Variants in PCDHGA10 observed in about 807,000 individuals in gnomAD.
The protein encoded by PCDHGA10 is protocadherin gamma-A10.
In PCDHGA10, 42 loss-of-function variants were observed where a neutral mutation model predicts 59.5. That is an observed-to-expected ratio of 0.71 (90% CI 0.55 to 0.91). PCDHGA10 has a LOEUF of 0.91. PCDHGA10 is among the 40% of genes least tolerant of loss of function. PCDHGA10 has a pLI of 0.00. For synonymous variants in PCDHGA10, 511 were observed against 517.2 expected (o/e 0.99, Z 0.16); for missense variants, 1,111 against 1,198.2 (o/e 0.93, Z 1.07).
Position 141,490,522 on chromosome 5 carries a change from G to A in PCDHGA10, c.2437-4285G>A, listed in dbSNP as rs191201177. ...CTATATCATCGAGCTGCTGGCCAGC[G>A]ATGCTGGTTCACCTTCCCTACACAA... On this transcript the variant is annotated intron_variant, in intron 1 of 3. Transcript: ENST00000398610. This position sits in a 1 kb window ranked among gnomAD's most constrained non-coding sequence, Gnocchi z 5.4. 5.0e-6 allele frequency: 8 copies of A among 1,614,054 alleles called. No homozygotes were observed. Among genetic ancestry groups the A allele is most frequent in the Admixed American group, 3.3e-5 (2 of 60,010 alleles).
chr5:141,464,263 TAAA>T (rs35224477), intron 1 of PCDHGA10, among the ~76,000 whole-genome samples: 2 of 103,604 alleles, frequency 1.9e-5, no homozygotes, highest in Non-Finnish European at 1.9e-5. Flanking sequence ...AGACTCCGTC[TAAA>T]AAAAAAAAAA....
chr5:141,421,567 A>G (rs1202908091), intron 1 of PCDHGA10: 27 of 1,613,972 alleles, frequency 1.7e-5, no homozygotes, highest in Non-Finnish European at 2.2e-5. Context: ...CGTGGAAGAC[A>G]CCTTGAAGAT....
intron 1 of PCDHGA10, among the ~76,000 whole-genome samples, chr5:141,445,652 A>C (rs1307606419): frequency 6.6e-6 from 1 of 152,212 alleles, no homozygotes; most frequent in African/African-American, 2.4e-5. Context: ...TGAATAGATT[A>C]ATAGGATGAG....
At chr5:141,450,565 C>T (rs1024229182) in intron 1 of PCDHGA10, among the ~76,000 whole-genome samples, 2 of 152,016 alleles carry the variant, frequency 1.3e-5, no homozygotes, top group Non-Finnish European at 2.9e-5. Context: ...CGGCTCACTG[C>T]AACTTCTGCC....
rs1319222603 is a variant in PCDHGA10 at position 141,438,686 on chromosome 5, A to G, written c.2436+23075A>G. Among the ~76,000 whole-genome samples the G allele has an allele frequency of 2.8e-5, 4 of 140,922 alleles. No homozygotes were observed. The Admixed American group carries it at 2.9e-4, about 10-fold the overall frequency. 92.5% of individuals were successfully genotyped at this position (140,922 alleles called of 152,430 possible). On this transcript the variant is annotated intron_variant, in intron 1 of 3. Transcript: ENST00000398610. ...TATATATATTTGGAGTAGGGGATGGAGTCTTGCTCTGTCACCCAGGCTGGA... is the reference window on the plus strand; with the variant it reads ...TATATATATTTGGAGTAGGGGATGGGGTCTTGCTCTGTCACCCAGGCTGGA...
intron 1 of PCDHGA10, chr5:141,422,371 C>A: frequency 6.4e-7 from 1 of 1,567,208 alleles, no homozygotes; most frequent in South Asian, 1.2e-5. Context: ...AGAAAATGGT[C>A]AAGTCTCCTG....
At position 141,431,525 on chromosome 5, in the gene PCDHGA10, G is replaced by A. The variant is rs1390184616; in HGVS notation, c.2436+15914G>A. The A allele has an allele frequency of 5.6e-6, 9 of 1,613,956 alleles. No individual in the cohort carries two copies. Among genetic ancestry groups the A allele is most frequent in the Non-Finnish European group, 7.6e-6 (9 of 1,180,044 alleles). ...CCGCGCGAGCGTTCCGGAGAATCTG[G>A]CCTTGGGCACGCAGCTGCTTGTAGT... On this transcript the variant is annotated intron_variant, in intron 1 of 3. Transcript: ENST00000398610. This position sits in a 1 kb window ranked among gnomAD's most constrained non-coding sequence, Gnocchi z 4.8.
intron 1 of PCDHGA10, chr5:141,416,047 A>T (rs2095986655): frequency 1.6e-5 from 3 of 187,858 alleles, no homozygotes; most frequent in Non-Finnish European, 3.2e-5. Context: ...TGGAAACACA[A>T]CCCAAATCCA....
At chr5:141,448,069 T>C (rs1184496754) in intron 1 of PCDHGA10, among the ~76,000 whole-genome samples, 1 of 151,202 alleles carries the variant, frequency 6.6e-6, no homozygotes, top group Non-Finnish European at 1.5e-5. Context: ...CTGGGCAACA[T>C]GAACGAAATG....
intron 3 of PCDHGA10, among the ~76,000 whole-genome samples, chr5:141,509,440 C>T (rs1036780108): frequency 2.0e-5 from 3 of 152,158 alleles, no homozygotes; most frequent in Non-Finnish European, 4.4e-5. Flanking sequence ...CTTGTTTCCT[C>T]CTCTCCCACC....
chr5:141,444,377 G>A (rs1035830834), intron 1 of PCDHGA10, among the ~76,000 whole-genome samples: 3 of 151,802 alleles, frequency 2.0e-5, no homozygotes, highest in Non-Finnish European at 4.4e-5. Context: ...CTCCATGTTG[G>A]TCAGGCTAGT....
In PCDHGA10 at chr5:141,491,244, T is replaced by G. The variant is rs754328211; in HGVS notation, c.2437-3563T>G. The G allele has an allele frequency of 6.2e-6, 10 of 1,614,092 alleles. No homozygotes were observed. The South Asian group carries it at 1.1e-4, about 18-fold the overall frequency. ...CCACAGTGCTGCTGGTTCTGGAGGA[T>G]GAGGACCCTGAGGAAATGCCCAAAT... On this transcript the variant is annotated intron_variant, in intron 1 of 3. Transcript: ENST00000398610. This position sits in a 1 kb window ranked among gnomAD's most constrained non-coding sequence, Gnocchi z 6.9.
At chr5:141,482,442 C>A (rs942933015) in intron 1 of PCDHGA10, among the ~76,000 whole-genome samples, 23 of 147,678 alleles carry the variant, frequency 1.6e-4, no homozygotes, top group African/African-American at 5.6e-4. Context: ...CTGATATTCA[C>A]CATTTATTAG....
intron 1 of PCDHGA10, among the ~76,000 whole-genome samples, chr5:141,447,975 A>G (rs1352829510): frequency 6.6e-6 from 1 of 151,928 alleles, no homozygotes; most frequent in Non-Finnish European, 1.5e-5. Flanking sequence ...AATCCCAGCT[A>G]CTCGGGAGGC....
intron 1 of PCDHGA10, among the ~76,000 whole-genome samples, chr5:141,455,095 A>G (rs910300076): frequency 2.6e-5 from 4 of 151,836 alleles, no homozygotes; most frequent in African/African-American, 9.7e-5. Flanking sequence ...TACAGGCTTG[A>G]GCCACTGCGC....
chr5:141,443,118 C>A (rs1474257262), intron 1 of PCDHGA10, among the ~76,000 whole-genome samples: 1 of 151,762 alleles, frequency 6.6e-6, no homozygotes, highest in Non-Finnish European at 1.5e-5. Flanking sequence ...GCTTTTCAAA[C>A]CAGATTAAGA....
In PCDHGA10 at chr5:141,413,220, C is replaced by A; in HGVS notation, c.45C>A (p.Ser15Arg). 6.2e-7 allele frequency: 1 copy of A among 1,613,330 alleles called. No homozygotes were observed. The highest frequency in any genetic ancestry group is 1.1e-5 in the South Asian group (1 of 91,022). Residue 15 changes from serine (S) to arginine (R), a missense_variant, in exon 1 of 4, where the codon AGC (serine) becomes AGA (arginine). Transcript: ENST00000398610. ...GCTCAAAGGAATCAAAGGATTGCAG[C>A]GGGCTGGTCCTGCTCTGCCTTTTCT... is the stretch of plus-strand genomic sequence containing the variant. ...RNRSKESKDC[S>R]GLVLLCLFFG...
rs776349562 is a variant in PCDHGA10 at position 141,491,131 on chromosome 5, G to T, written c.2437-3676G>T. The T allele has an allele frequency of 6.2e-7, 1 of 1,614,182 alleles. No individual in the cohort carries two copies. Among genetic ancestry groups the T allele is most frequent in the Non-Finnish European group, 8.5e-7 (1 of 1,180,008 alleles). On this transcript the variant is annotated intron_variant, in intron 1 of 3. Coordinates refer to ENST00000398610, the MANE Select transcript of PCDHGA10 (RefSeq NM_018913.3). This position sits in a 1 kb window ranked among gnomAD's most constrained non-coding sequence, Gnocchi z 6.9. ...TACACACACTGGTGAGGTGCGCACA[G>T]CCCGGGCCTTACTGGAGGATGACTC...
Position 141,484,647 on chromosome 5 carries a change from G to A in PCDHGA10, c.2437-10160G>A, listed in dbSNP as rs556711906. Among the ~76,000 whole-genome samples, 104 of 152,066 alleles carry A rather than the reference G, an allele frequency of 6.8e-4. 3 individuals carry two copies. Among genetic ancestry groups the A allele is most frequent in the East Asian group, 1.2e-3 (6 of 5,166 alleles). ...TGAACAAAGTGACCACTCTCCAATG[G>A]CTACTCTCCCTCTCAGTGGGCCGCA... On this transcript the variant is annotated intron_variant, in intron 1 of 3. Transcript: ENST00000398610.
Sources: allele counts gnomAD v4.1 joint callset (sites outside exome capture counted in the v4.1 genomes callset), GRCh38; gene constraint gnomAD v4.1.1; non-coding constraint Gnocchi (gnomAD v3.1); transcripts MANE v1.5; gene names NCBI Gene and HGNC (gene_info 2026-07-23, HGNC 2026-07-21).